The following ZSCAN18 variants were observed in gnomAD, a reference collection of about 807,000 sequenced individuals.
ZSCAN18 encodes zinc finger and SCAN domain-containing protein 18.
ZSCAN18 carries 16 observed loss-of-function variants against 31.1 expected under a neutral mutation model. The observed-to-expected ratio is 0.51, with a 90% confidence interval of 0.35 to 0.78. ZSCAN18 has a LOEUF of 0.78. Ranked by LOEUF, ZSCAN18 falls within the 30% of genes least tolerant of loss-of-function variation. The probability of loss-of-function intolerance (pLI) is 0.01; values close to 1 mark genes in which losing one functional copy is unlikely to be tolerated. For synonymous variants in ZSCAN18, 375 were observed against 320.7 expected, an observed-to-expected ratio of 1.17 and a Z score of -1.81; for missense variants, 731 against 697.4, an observed-to-expected ratio of 1.05 and a Z score of -0.54.
intron 1 of ZSCAN18, among the ~76,000 whole-genome samples, chr19:58,105,479 G>A (rs1318918596): frequency 1.3e-5 from 2 of 151,966 alleles, no homozygotes; most frequent in Non-Finnish European, 2.9e-5. Flanking sequence ...GGCTAACACA[G>A]TGAAACCCAG....
At chr19:58,108,165 A>G (rs781413697) in intron 1 of ZSCAN18, 72 of 986,422 alleles carry the variant, frequency 7.3e-5, no homozygotes, top group Non-Finnish European at 7.9e-5. Context: ...TTCACACTCC[A>G]TACACATATA....
chr19:58,102,914 C>T (rs1833273685), upstream of ZSCAN18, among the ~76,000 whole-genome samples: 3 of 152,048 alleles, frequency 2.0e-5, no homozygotes, highest in Admixed American at 2.0e-4. Flanking sequence ...GGTGGACCAC[C>T]TGAGGTCAGG....
intron 1 of ZSCAN18, among the ~76,000 whole-genome samples, chr19:58,091,673 CTT>C (rs939917122): frequency 4.6e-5 from 7 of 152,164 alleles, no homozygotes; most frequent in African/African-American, 9.7e-5. Flanking sequence ...GATGAACTCT[CTT>C]GATTGTAACT....
At position 58,084,340 on chromosome 19, in the gene ZSCAN18, A is replaced by T. The variant is rs1293628606; in HGVS notation, c.*345T>A. On this transcript the variant is annotated 3_prime_UTR_variant, in exon 7 of 7. Transcript: ENST00000601144. The surrounding 1 kb of genome is among the most constrained non-coding windows in gnomAD (Gnocchi z 4.5). ...ATCGGGGCAAGGGTGACTTGAAGAA[A>T]GCACTGGCAGATCACGCACTTTAAG... is the stretch of plus-strand genomic sequence containing the variant. 2 of 231,222 alleles carry T rather than the reference A, an allele frequency of 8.6e-6. No homozygotes were observed. The highest frequency in any genetic ancestry group is 1.1e-4 in the Admixed American group (2 of 17,482). The allele number at this position is 231,222 out of a possible 1,614,324, so 14.3% of individuals were successfully genotyped here. A position where few individuals can be genotyped will look rare whatever the true frequency, so the allele number is the denominator to read the frequency against.
rs1489569777 is a variant in ZSCAN18 at position 58,085,136 on chromosome 19, T to A, written c.1082A>T (p.Asp361Val). 1 of 1,610,230 alleles carries A rather than the reference T, an allele frequency of 6.2e-7. No individual in the cohort carries two copies. The highest frequency in any genetic ancestry group is 8.5e-7 in the Non-Finnish European group (1 of 1,178,766). Residue 361 changes from aspartate (D) to valine (V), a missense_variant, in exon 7 of 7, where the codon GAC becomes GTC. Physicochemically the swap from Asp to Val is radical, Grantham distance 152 (BLOSUM62 -3). Transcript: ENST00000601144. ...GGTTCCCAGTTTCGCCGTGCCCCTG[T>A]CCGGGGCAGGCTGCTGGATGACGGA... ...RQSVIQQPAP[D>V]RGTAKLGTKR...
intron 1 of ZSCAN18, chr19:58,108,100 T>C: frequency 1.0e-6 from 1 of 990,990 alleles, no homozygotes; most frequent in South Asian, 4.7e-5. Context: ...ATGAGATTTC[T>C]TTCCAGAATG....
chr19:58,092,569 C>G, intron 1 of ZSCAN18: 1 of 416,722 alleles, frequency 2.4e-6, no homozygotes, highest in Non-Finnish European at 3.0e-6. Flanking sequence ...GAGCGAGACT[C>G]TGTCTCAAAA....
chr19:58,095,759 C>T (rs2074509408), intron 1 of ZSCAN18, among the ~76,000 whole-genome samples: 2 of 152,326 alleles, frequency 1.3e-5, no homozygotes, highest in African/African-American at 4.8e-5. Flanking sequence ...GGGAGCTCCT[C>T]GCCTCTGTGC....
chr19:58,087,220 T>C, intron 4 of ZSCAN18, 96 bp downstream of exon 4: 3 of 1,327,688 alleles, frequency 2.3e-6, no homozygotes, highest in Non-Finnish European at 3.1e-6. Context: ...TGTGGACGTT[T>C]GGGGCCACAG....
upstream of ZSCAN18, chr19:58,098,306 G>A (rs1232172506): frequency 7.1e-6 from 7 of 985,352 alleles, no homozygotes; most frequent in Non-Finnish European, 7.2e-6. Flanking sequence ...GCTGTGCCGC[G>A]CACCGGGGCG....
chr19:58,110,233 C>T (rs1465365950), intron 1 of ZSCAN18, among the ~76,000 whole-genome samples: 5 of 152,142 alleles, frequency 3.3e-5, no homozygotes, highest in African/African-American at 1.2e-4. Flanking sequence ...CTCCAACTGT[C>T]CCCAAGATGC....
chr19:58,110,864 G>T (rs971515244), intron 1 of ZSCAN18, among the ~76,000 whole-genome samples: 1 of 152,120 alleles, frequency 6.6e-6, no homozygotes, highest in African/African-American at 2.4e-5. Context: ...GACAATCCAT[G>T]ATATAAAACA....
intron 3 of ZSCAN18, 41 bp from the exon 4 acceptor site, chr19:58,087,445 T>A: frequency 6.5e-7 from 1 of 1,548,932 alleles, no homozygotes; most frequent in Non-Finnish European, 8.8e-7. Context: ...ATGAGCTCCC[T>A]GTGGCCAGGT....
At chr19:58,102,385 C>T (rs567024087), upstream of ZSCAN18, among the ~76,000 whole-genome samples, 13 of 152,152 alleles carry the variant, frequency 8.5e-5, no homozygotes, top group East Asian at 2.1e-3. Context: ...GGTGTGAACC[C>T]GGGAGGCAGA....
rs535725758 is a variant in ZSCAN18 at position 58,090,885 on chromosome 19, C to T, written c.-119-499G>A. Reference sequence around the variant, plus strand: ...GATTACAGGTGTGAGCCACTGCGCCCAGCATCATTACCAGAATTTTAAAAA... The same window carrying T: ...GATTACAGGTGTGAGCCACTGCGCCTAGCATCATTACCAGAATTTTAAAAA... On this transcript the variant is annotated intron_variant, in intron 1 of 6. Coordinates refer to ENST00000601144, the MANE Select transcript of ZSCAN18 (RefSeq NM_001145543.2). This position sits in a 1 kb window ranked among gnomAD's most constrained non-coding sequence, Gnocchi z 4.7. Among the ~76,000 whole-genome samples the T allele has an allele frequency of 5.3e-5, 8 of 151,890 alleles. No homozygotes were observed. Among genetic ancestry groups the T allele is most frequent in the African/African-American group, 1.9e-4 (8 of 41,444 alleles).
At chr19:58,096,838 G>C (rs1027999193) in intron 1 of ZSCAN18, among the ~76,000 whole-genome samples, 2 of 152,160 alleles carry the variant, frequency 1.3e-5, no homozygotes, top group Non-Finnish European at 2.9e-5. Flanking sequence ...GCTTTTAAAA[G>C]AATGAAAAAA....
chr19:58,085,086 C>A lies in ZSCAN18; in HGVS notation c.1132G>T (p.Asp378Tyr), dbSNP rs760521745. 2 of 1,604,808 alleles carry A rather than the reference C, an allele frequency of 1.2e-6. No individual in the cohort carries two copies. The highest frequency in any genetic ancestry group is 1.7e-6 in the Non-Finnish European group (2 of 1,174,916). The change falls in exon 7 of 7, where the codon GAC becomes TAC. Residue 378 changes from aspartate to tyrosine, a missense_variant. This residue lies in a region of ZSCAN18 where 597 missense variants were observed against 499.5 expected (regional missense o/e 1.20). Coordinates refer to ENST00000601144, the MANE Select transcript of ZSCAN18 (RefSeq NM_001145543.2). ...GAGACGCCCTCGAGGCTCTGCCCGTCCCCATCCTCGGGGTGCGGCCTCTTG... is the reference window on the plus strand; with the variant it reads ...GAGACGCCCTCGAGGCTCTGCCCGTACCCATCCTCGGGGTGCGGCCTCTTG... ...GTKRPHPEDGDGQSLEGVSSS... is the reference protein window; with the variant it reads ...GTKRPHPEDGYGQSLEGVSSS...
chr19:58,085,478 C>CGGGCTCT, intron 6 of ZSCAN18, 99 bp from the exon 7 acceptor site: 1 of 1,119,158 alleles, frequency 8.9e-7, no homozygotes, highest in African/African-American at 1.6e-5. Context: ...CACAGGGCTC[C>CGGGCTCT]GGGCTCTGGA....
upstream of ZSCAN18, chr19:58,098,330 T>A (rs1031775257): frequency 2.5e-4 from 248 of 985,312 alleles, no homozygotes; most frequent in Non-Finnish European, 3.0e-4. Context: ...AAGGGAGCCG[T>A]GACAGGTGAC....
Sources: allele counts gnomAD v4.1 joint callset (sites outside exome capture counted in the v4.1 genomes callset), GRCh38; gene constraint gnomAD v4.1.1; regional missense constraint gnomAD v4.1.1; non-coding constraint Gnocchi (gnomAD v3.1); transcripts MANE v1.5; gene names NCBI Gene and HGNC (gene_info 2026-07-23, HGNC 2026-07-21).